FAT3: variants seen among roughly 807,000 people sequenced by gnomAD.
The protein encoded by FAT3 is protocadherin Fat 3.
A neutral mutation model predicts 310.2 loss-of-function variants in FAT3; 95 were observed. The observed-to-expected ratio is 0.31, with a 90% CI of 0.26 to 0.36. The LOEUF (loss-of-function observed/expected upper bound fraction) is 0.36, where lower values mean the gene tolerates loss of function less well. Ranked by LOEUF, FAT3 falls within the 10% of genes least tolerant of loss-of-function variation. The pLI, the probability that FAT3 is intolerant of heterozygous loss-of-function variation, is 1.00. For missense variants in FAT3, 5,408 were observed against 5,715.6 expected (o/e 0.95, Z 1.74); for synonymous variants, 2,314 against 2,192.9 (o/e 1.06, Z -1.54).
intron 4 of FAT3, among the ~76,000 whole-genome samples, chr11:92,757,262 T>C (rs1946027465): frequency 6.6e-6 from 1 of 152,106 alleles, no homozygotes; most frequent in African/African-American, 2.4e-5. Context: ...GCTGTTATCA[T>C]CTAAAGAAAT....
intron 4 of FAT3, among the ~76,000 whole-genome samples, chr11:92,702,221 G>A (rs1944118800): frequency 6.6e-6 from 1 of 152,158 alleles, no homozygotes; most frequent in Admixed American, 6.5e-5. Context: ...TGGTCAGCAT[G>A]GAATGTCTTA....
chr11:92,862,246 A>G (rs1341601352), intron 21 of FAT3, among the ~76,000 whole-genome samples: 2 of 152,218 alleles, frequency 1.3e-5, no homozygotes, highest in African/African-American at 4.8e-5. Flanking sequence ...TGGCAGCCAA[A>G]GCAACAATGA....
At chr11:92,878,980 C>G (rs542947730) in intron 22 of FAT3, among the ~76,000 whole-genome samples, 3 of 151,938 alleles carry the variant, frequency 2.0e-5, no homozygotes, top group Non-Finnish European at 1.5e-5. Context: ...TGAAAATAAA[C>G]CCATATAAAG....
intron 19 of FAT3, among the ~76,000 whole-genome samples, chr11:92,853,597 A>C (rs554049381): frequency 1.3e-5 from 2 of 152,238 alleles, no homozygotes; most frequent in South Asian, 4.2e-4. Flanking sequence ...GAAGGTGAGC[A>C]AGGTGGAGAG....
At chr11:92,729,072 G>A (rs2135993247) in intron 4 of FAT3, among the ~76,000 whole-genome samples, 1 of 152,282 alleles carries the variant, frequency 6.6e-6, no homozygotes, top group East Asian at 1.9e-4. Flanking sequence ...TTCACAGAAA[G>A]GGGCCCAAGT....
chr11:92,886,975 G>A, intron 24 of FAT3, 25 bp from the exon 25 acceptor site: 1 of 1,557,850 alleles, frequency 6.4e-7, no homozygotes, highest in Non-Finnish European at 8.7e-7. Context: ...TGTAATTTCT[G>A]CTTTCTCTTT....
chr11:92,828,601 G>C (rs532448197), intron 13 of FAT3, among the ~76,000 whole-genome samples: 1 of 152,208 alleles, frequency 6.6e-6, no homozygotes, highest in East Asian at 1.9e-4. Flanking sequence ...TGAGGAGGTG[G>C]GGGGAGTGTG....
intron 21 of FAT3, among the ~76,000 whole-genome samples, chr11:92,862,836 G>T (rs990148810): frequency 7.2e-5 from 11 of 152,184 alleles, no homozygotes; most frequent in Admixed American, 4.6e-4. Context: ...GTAGGTATGA[G>T]TGTCTACTTT....
At chr11:92,418,836 T>G (rs1950475395) in intron 2 of FAT3, among the ~76,000 whole-genome samples, 3 of 152,288 alleles carry the variant, frequency 2.0e-5, no homozygotes, top group Middle Eastern at 6.8e-3. Flanking sequence ...CTTGGTGCTG[T>G]TGGTAAATAA....
At chr11:92,503,556 A>G (rs1230661187) in intron 2 of FAT3, among the ~76,000 whole-genome samples, 1 of 152,140 alleles carries the variant, frequency 6.6e-6, no homozygotes, top group Non-Finnish European at 1.5e-5. Context: ...AATAAATGAA[A>G]TAAATAAAAT....
At chr11:92,550,786 T>TTTTA (rs398017108) in intron 3 of FAT3, among the ~76,000 whole-genome samples, 14 of 150,748 alleles carry the variant, frequency 9.3e-5, no homozygotes, top group South Asian at 4.2e-4. Context: ...TTTTTTTTTT[T>TTTTA]AAAAGAGAGT....
intron 2 of FAT3, among the ~76,000 whole-genome samples, chr11:92,374,770 A>G (rs1949295826): frequency 6.6e-6 from 1 of 151,986 alleles, no homozygotes; most frequent in Non-Finnish European, 1.5e-5. Context: ...TCCACCCTTT[A>G]CTGTTGTTAA....
intron 2 of FAT3, among the ~76,000 whole-genome samples, chr11:92,500,348 G>C (rs945644879): frequency 6.6e-6 from 1 of 151,834 alleles, no homozygotes; most frequent in Admixed American, 6.6e-5. Context: ...GATCTATAAG[G>C]TATTTTTTTC....
At chr11:92,795,536 A>G (rs1947147387) in intron 9 of FAT3, among the ~76,000 whole-genome samples, 1 of 151,940 alleles carries the variant, frequency 6.6e-6, no homozygotes, top group Admixed American at 6.6e-5. Context: ...AGAAGGGCCC[A>G]CTTTGGACCT....
intron 22 of FAT3, among the ~76,000 whole-genome samples, chr11:92,879,985 A>T (rs1471309615): frequency 6.6e-6 from 1 of 151,912 alleles, no homozygotes. Context: ...AAGAAAGAAC[A>T]CCCTTACTAG....
At chr11:92,236,193 G>A (rs1225407779) in intron 1 of FAT3, among the ~76,000 whole-genome samples, 2 of 152,220 alleles carry the variant, frequency 1.3e-5, no homozygotes, top group East Asian at 1.9e-4. Context: ...ATATTCTGAG[G>A]CCCAGATGCC....
chr11:92,603,735 G>A (rs1940140949), intron 3 of FAT3, among the ~76,000 whole-genome samples: 1 of 152,134 alleles, frequency 6.6e-6, no homozygotes, highest in African/African-American at 2.4e-5. Context: ...TTGAAAAGCT[G>A]TAAACAGTCC....
rs757256025 is a variant in FAT3, at chr11:92,735,400, A to G, written c.3670-26456A>G. 1.9e-4 allele frequency among the ~76,000 whole-genome samples: 29 copies of G among 152,188 alleles called. 1 individual carries two copies. Among genetic ancestry groups the G allele is most frequent in the Non-Finnish European group, 2.9e-4 (20 of 68,032 alleles). ...AAGACCATTCCATGAGGCTAGTGTCATAAAAATCATTACTTATATAGCTTT... is the reference window on the plus strand; with the variant it reads ...AAGACCATTCCATGAGGCTAGTGTCGTAAAAATCATTACTTATATAGCTTT... On this transcript the variant is annotated intron_variant, in intron 4 of 27. Coordinates refer to ENST00000525166, the MANE Select transcript of FAT3 (RefSeq NM_001367949.2).
At chr11:92,237,855 C>T (rs1864493351) in intron 1 of FAT3, among the ~76,000 whole-genome samples, 1 of 152,110 alleles carries the variant, frequency 6.6e-6, no homozygotes. Flanking sequence ...CTGAGTATTA[C>T]TATCTGAGAT....
Sources: allele counts gnomAD v4.1 joint callset (sites outside exome capture counted in the v4.1 genomes callset), GRCh38; gene constraint gnomAD v4.1.1; transcripts MANE v1.5; gene names NCBI Gene and HGNC (gene_info 2026-07-23, HGNC 2026-07-21).